ZBBX: variants seen among roughly 807,000 people sequenced by gnomAD.
ZBBX encodes the protein zinc finger B-box domain containing.
Under a neutral mutation model 108.5 loss-of-function variants are expected in ZBBX, and 101 were observed. The observed-to-expected ratio is 0.93, with a 90% CI of 0.79 to 1.10. The LOEUF (loss-of-function observed/expected upper bound fraction) is 1.10, where lower values mean the gene tolerates loss of function less well. Among genes scored for constraint, ZBBX ranks in the 50% least tolerant of loss-of-function variants. The probability of loss-of-function intolerance (pLI) is 0.00; values close to 1 mark genes in which losing one functional copy is unlikely to be tolerated. For missense variants in ZBBX, 1,009 were observed against 941.4 expected (o/e 1.07, Z -0.94); for synonymous variants, 356 against 323.4 (o/e 1.10, Z -1.08).
rs531340746 is a variant in ZBBX, at chr3:167,245,288, G to A, written c.2255-2645C>T. 1.1e-4 allele frequency among the ~76,000 whole-genome samples: 16 copies of A among 152,206 alleles called. No homozygotes were observed. In the South Asian group the frequency reaches 2.5e-3, roughly 24 times the overall value. On this transcript the variant is annotated intron_variant, in intron 20 of 21. Transcript: ENST00000675490. ...ATTAGCCGGGCATGGTAGCGGACCC[G>A]GGAGGCGGAGCTTGCAGTGAGCTGA...
intron 9 of ZBBX, among the ~76,000 whole-genome samples, chr3:167,345,211 C>T (rs546968943): frequency 6.6e-6 from 1 of 151,910 alleles, no homozygotes; most frequent in South Asian, 2.1e-4. Context: ...ATGTTAAGCA[C>T]TGAGGATACA....
intron 10 of ZBBX, among the ~76,000 whole-genome samples, chr3:167,330,326 T>C (rs1738219046): frequency 6.6e-6 from 1 of 152,212 alleles, no homozygotes; most frequent in African/African-American, 2.4e-5. Flanking sequence ...ACTTTCCATT[T>C]ATAAACCTTT....
chr3:167,315,919 A>AT (rs1735376275), intron 14 of ZBBX, 90 bp from the exon 15 acceptor site: 2 of 737,208 alleles, frequency 2.7e-6, no homozygotes, highest in Non-Finnish European at 4.4e-6. Flanking sequence ...TTTGGAGTAC[A>AT]TTTTTCCTAC....
chr3:167,208,160 C>A, the ZBBX span, among the ~76,000 whole-genome samples: 36 of 152,272 alleles, frequency 2.4e-4, no homozygotes, highest in South Asian at 8.3e-4. Flanking sequence ...GTGGTTGAAA[C>A]TTAAGTTCTA....
chr3:167,305,720 T>G lies in ZBBX; in HGVS notation c.1648A>C (p.Ile550Leu). The G allele has an allele frequency of 6.2e-7, 1 of 1,611,596 alleles. No homozygotes were observed. Among genetic ancestry groups the G allele is most frequent in the Non-Finnish European group, 8.5e-7 (1 of 1,179,172 alleles). ...TTGCTCAATTCCAAGGATTCTTTGA[T>G]GTCTTGAGATAATTTCTCCTCAATG... ...APIEEKLSQD[I>L]KESLELSNLY... The change falls in exon 17 of 22, where the codon ATC becomes CTC. Residue 550 changes from isoleucine (I) to leucine (L), a missense_variant. Transcript: ENST00000675490.
chr3:167,203,792 C>T, the ZBBX span, among the ~76,000 whole-genome samples: 1 of 151,926 alleles, frequency 6.6e-6, no homozygotes, highest in Non-Finnish European at 1.5e-5. Context: ...AAATCTTAGA[C>T]CATAGCCGAA....
intron 16 of ZBBX, among the ~76,000 whole-genome samples, chr3:167,310,858 A>G (rs936083340): frequency 1.3e-5 from 2 of 152,238 alleles, no homozygotes; most frequent in Admixed American, 6.5e-5. Context: ...ATTCTAAATA[A>G]ATAGAGAAAT....
the ZBBX span, among the ~76,000 whole-genome samples, chr3:167,195,891 G>A: frequency 5.9e-5 from 9 of 152,110 alleles, no homozygotes; most frequent in Non-Finnish European, 1.3e-4. Flanking sequence ...TGAAGTTCAA[G>A]AGTTTTATCT....
chr3:167,245,629 T>A (rs1016716899), intron 20 of ZBBX, among the ~76,000 whole-genome samples: 5 of 152,116 alleles, frequency 3.3e-5, no homozygotes, highest in Non-Finnish European at 7.3e-5. Flanking sequence ...TCCTCCTTGC[T>A]GTTCTCATGA....
chr3:167,393,708 A>G (rs192441608), intron 1 of ZBBX, among the ~76,000 whole-genome samples: 8 of 152,034 alleles, frequency 5.3e-5, no homozygotes, highest in African/African-American at 1.7e-4. Context: ...TTATTTGTCC[A>G]TAATAGCAAA....
chr3:167,209,137 A>G, the ZBBX span, among the ~76,000 whole-genome samples: 1 of 148,454 alleles, frequency 6.7e-6, no homozygotes, highest in Non-Finnish European at 1.5e-5. Context: ...GGGCCAGTTC[A>G]GCCTTAGAAG....
intron 9 of ZBBX, among the ~76,000 whole-genome samples, chr3:167,340,753 G>C (rs930927200): frequency 2.6e-5 from 4 of 151,614 alleles, no homozygotes; most frequent in African/African-American, 9.7e-5. Flanking sequence ...GGAAAAGGTA[G>C]AGAAGCAAAG....
At chr3:167,337,877 T>C (rs1373083236) in intron 9 of ZBBX, among the ~76,000 whole-genome samples, 3 of 152,154 alleles carry the variant, frequency 2.0e-5, no homozygotes, top group African/African-American at 4.8e-5. Flanking sequence ...TACCATATAT[T>C]AATAAAATAT....
At chr3:167,235,072 T>C (rs1720177460), downstream of ZBBX, among the ~76,000 whole-genome samples, 1 of 151,744 alleles carries the variant, frequency 6.6e-6, no homozygotes, top group Non-Finnish European at 1.5e-5. Context: ...CAGACTTAAC[T>C]TCCTTACCAG....
intron 20 of ZBBX, among the ~76,000 whole-genome samples, chr3:167,249,491 G>A (rs1034397862): frequency 6.6e-6 from 1 of 152,068 alleles, no homozygotes; most frequent in Non-Finnish European, 1.5e-5. Flanking sequence ...CTTCCCACCT[G>A]CCTCCTCCTA....
Position 167,291,024 on chromosome 3 carries a change from A to T in ZBBX, c.1880-2041T>A, listed in dbSNP as rs188517551. On this transcript the variant is annotated intron_variant, in intron 18 of 21. Coordinates refer to ENST00000675490, the MANE Select transcript of ZBBX (RefSeq NM_001199201.2). Reference sequence around the variant, plus strand: ...GGTTAGAGAAAAAAGAGTGAAAGAAACGAACAAAGCCTCCAAGAAATATGG... The same window carrying T: ...GGTTAGAGAAAAAAGAGTGAAAGAATCGAACAAAGCCTCCAAGAAATATGG... Among the ~76,000 whole-genome samples, 5 of 152,250 alleles carry T rather than the reference A, an allele frequency of 3.3e-5. No individual in the cohort carries two copies. In the East Asian group the frequency reaches 9.7e-4, roughly 29 times the overall value.
At position 167,322,164 on chromosome 3, in the gene ZBBX, T is replaced by C; in HGVS notation, c.936A>G (p.Glu312=). 3 of 1,442,756 alleles carry C rather than the reference T, an allele frequency of 2.1e-6. No individual in the cohort carries two copies. Among genetic ancestry groups the C allele is most frequent in the Non-Finnish European group, 1.8e-6 (2 of 1,084,188 alleles). 89.4% of individuals were successfully genotyped at this position (1,442,756 alleles called of 1,614,324 possible). A position where few individuals can be genotyped will look rare whatever the true frequency, so the allele number is the denominator to read the frequency against. Residue 312 remains glutamate (E), a synonymous_variant, in exon 12 of 22, where the codon GAA becomes GAG. Coordinates refer to ENST00000675490, the MANE Select transcript of ZBBX (RefSeq NM_001199201.2). ...WREPLNIELK[E]DILSYMEKLW... is the part of the protein sequence containing the mutation. ...ATTTTTCCATATAGGATAGAATGTC[T>C]TCTTTAAGTTCAATATTAAGTGGTT...
intron 20 of ZBBX, among the ~76,000 whole-genome samples, chr3:167,276,170 A>G (rs1352249100): frequency 6.6e-6 from 1 of 152,214 alleles, no homozygotes; most frequent in African/African-American, 2.4e-5. Flanking sequence ...TGGAAACTCT[A>G]AAAAGCAGAG....
At chr3:167,196,130 A>G in the ZBBX span, among the ~76,000 whole-genome samples, 2 of 152,052 alleles carry the variant, frequency 1.3e-5, no homozygotes, top group African/African-American at 2.4e-5. Context: ...CCCACAACCC[A>G]TTTCTTTAGC....
Sources: allele counts gnomAD v4.1 joint callset (sites outside exome capture counted in the v4.1 genomes callset), GRCh38; gene constraint gnomAD v4.1.1; transcripts MANE v1.5; gene names NCBI Gene and HGNC (gene_info 2026-07-23, HGNC 2026-07-21).